The following NLGN1 variants were observed in gnomAD, a reference collection of about 807,000 sequenced individuals.
NLGN1 encodes neuroligin 1.
A neutral mutation model predicts 65.5 loss-of-function variants in NLGN1; 12 were observed. The observed-to-expected ratio is 0.18, with a 90% CI of 0.12 to 0.30. The LOEUF (loss-of-function observed/expected upper bound fraction) is 0.30. NLGN1 is among the 10% of genes least tolerant of loss of function. The pLI is 1.00. For missense variants in NLGN1, 750 were observed against 1,007.1 expected (o/e 0.74, Z 3.46); for synonymous variants, 350 against 359.5 (o/e 0.97, Z 0.30).
At chr3:173,590,281 A>G (rs1748247226) in intron 2 of NLGN1, among the ~76,000 whole-genome samples, 1 of 152,148 alleles carries the variant, frequency 6.6e-6, no homozygotes, top group Non-Finnish European at 1.5e-5. Flanking sequence ...CACATAAGTG[A>G]CAGTGTTATC....
intron 4 of NLGN1, among the ~76,000 whole-genome samples, chr3:174,027,612 A>G (rs1436182772): frequency 2.6e-5 from 4 of 152,176 alleles, no homozygotes; most frequent in African/African-American, 9.6e-5. Flanking sequence ...GCAACAAGAT[A>G]TATAGTCACA....
chr3:174,122,523 A>T (rs1396057697), intron 4 of NLGN1, among the ~76,000 whole-genome samples: 1 of 152,044 alleles, frequency 6.6e-6, no homozygotes. Flanking sequence ...GGGGGAGATT[A>T]TTTTTTTCCA....
chr3:174,147,419 C>CTTTTTTTTTTTTT (rs574298501), intron 4 of NLGN1, among the ~76,000 whole-genome samples: 5 of 36,260 alleles, frequency 1.4e-4, no homozygotes, highest in African/African-American at 3.6e-4. Context: ...TGGCTCATGG[C>CTTTTTTTTTTTTT]TTTTTTTTTT....
Position 174,063,382 on chromosome 3 carries a change from A to G in NLGN1, c.647-211933A>G, listed in dbSNP as rs78936700. 3.9e-3 allele frequency among the ~76,000 whole-genome samples: 597 copies of G among 152,310 alleles called. 5 individuals carry two copies. The highest frequency in any genetic ancestry group is 0.013 in the African/African-American group (558 of 41,584). ...AGTTCTTGATGCTATGGGAAATGACATCCGTAGAAACTCTGATCTGCAGAG... is the reference window on the plus strand; with the variant it reads ...AGTTCTTGATGCTATGGGAAATGACGTCCGTAGAAACTCTGATCTGCAGAG... On this transcript the variant is annotated intron_variant, in intron 4 of 6. Coordinates refer to ENST00000457714, the Ensembl canonical transcript of NLGN1.
chr3:174,230,847 A>G (rs2152816933), intron 4 of NLGN1, among the ~76,000 whole-genome samples: 1 of 152,366 alleles, frequency 6.6e-6, no homozygotes, highest in East Asian at 1.9e-4. Context: ...TTATCCTCTC[A>G]TTACATACTA....
intron 3 of NLGN1, among the ~76,000 whole-genome samples, chr3:173,807,023 A>G (rs1716812027): frequency 6.6e-6 from 1 of 152,174 alleles, no homozygotes; most frequent in African/African-American, 2.4e-5. Context: ...GATGTCCTGA[A>G]TTTCCTAAAA....
At chr3:173,450,458 T>A (rs544917325) in intron 2 of NLGN1, among the ~76,000 whole-genome samples, 158 of 152,302 alleles carry the variant, frequency 1.0e-3, no homozygotes, top group Middle Eastern at 3.4e-3. Flanking sequence ...CTTCCCTTTG[T>A]GGGTAACCCG....
chr3:173,763,201 A>T (rs961196155), intron 3 of NLGN1, among the ~76,000 whole-genome samples: 1 of 152,206 alleles, frequency 6.6e-6, no homozygotes, highest in Middle Eastern at 3.4e-3. Flanking sequence ...AAGGACAGAG[A>T]TGATTAACTG....
chr3:174,027,477 TCTTTGGTG>T (rs1157710217), intron 4 of NLGN1, among the ~76,000 whole-genome samples: 2 of 152,146 alleles, frequency 1.3e-5, no homozygotes. Context: ...GTCCACAATC[TCTTTGGTG>T]CCAGATGTAT....
At chr3:173,576,266 A>G (rs971143505) in intron 2 of NLGN1, among the ~76,000 whole-genome samples, 2 of 152,176 alleles carry the variant, frequency 1.3e-5, no homozygotes, top group African/African-American at 4.8e-5. Context: ...TTCTATGGGC[A>G]GCACTGATTA....
At chr3:174,261,727 A>G (rs889234930) in intron 4 of NLGN1, among the ~76,000 whole-genome samples, 1 of 142,460 alleles carries the variant, frequency 7.0e-6, no homozygotes, top group Non-Finnish European at 1.5e-5. Flanking sequence ...ACTATTGAAT[A>G]GGAGTGGTGA....
intron 2 of NLGN1, among the ~76,000 whole-genome samples, chr3:173,602,253 C>A (rs985185357): frequency 3.9e-5 from 6 of 151,966 alleles, no homozygotes; most frequent in Non-Finnish European, 8.8e-5. Flanking sequence ...AAATTGTCAA[C>A]AAATTTGAGA....
At chr3:173,981,282 A>T (rs983625227) in intron 4 of NLGN1, among the ~76,000 whole-genome samples, 4 of 152,186 alleles carry the variant, frequency 2.6e-5, no homozygotes, top group Non-Finnish European at 4.4e-5. Context: ...AACCCAGGAT[A>T]ACTGATTTTA....
intron 4 of NLGN1, among the ~76,000 whole-genome samples, chr3:173,923,924 A>AT (rs2152270085): frequency 6.6e-6 from 1 of 152,202 alleles, no homozygotes; most frequent in East Asian, 1.9e-4. Context: ...ATTGAATGGC[A>AT]TTTTTTAGAA....
At chr3:173,598,055 A>G (rs1351857399) in intron 2 of NLGN1, among the ~76,000 whole-genome samples, 2 of 152,146 alleles carry the variant, frequency 1.3e-5, no homozygotes, top group Non-Finnish European at 2.9e-5. Context: ...TTCTTTATTT[A>G]TTATTGTATT....
intron 4 of NLGN1, among the ~76,000 whole-genome samples, chr3:173,877,729 TA>T (rs1049325049): frequency 1.3e-5 from 2 of 152,188 alleles, no homozygotes; most frequent in African/African-American, 2.4e-5. Context: ...GCTCTTATAA[TA>T]AAATGTACAT....
At chr3:173,630,202 A>C (rs1398492392) in intron 3 of NLGN1, among the ~76,000 whole-genome samples, 1 of 152,180 alleles carries the variant, frequency 6.6e-6, no homozygotes, top group East Asian at 1.9e-4. Context: ...TAAGTGTTTG[A>C]CATTCTTTCC....
rs71162356 is a variant in NLGN1 at position 173,734,381 on chromosome 3, A to ATTTTTTT, written c.494-73273_494-73267dup. ...ATAATTAGATTCTGTGGATAATTCT[A>ATTTTTTT]TTTTTTTTTTTTTTTTTTTTTTTTT... On this transcript the variant is annotated intron_variant, in intron 3 of 6. Coordinates refer to ENST00000457714, the Ensembl canonical transcript of NLGN1. Among the ~76,000 whole-genome samples the ATTTTTTT allele has an allele frequency of 8.5e-4, 34 of 40,078 alleles. 2 individuals are homozygous for ATTTTTTT. The highest frequency in any genetic ancestry group is 1.9e-3 in the African/African-American group (17 of 9,132). The allele number at this position is 40,078 out of a possible 152,430, so 26.3% of individuals were successfully genotyped here. A position where few individuals can be genotyped will look rare whatever the true frequency, so the allele number is the denominator to read the frequency against.
chr3:173,975,627 A>G (rs540709693), intron 4 of NLGN1, among the ~76,000 whole-genome samples: 1 of 152,114 alleles, frequency 6.6e-6, no homozygotes, highest in South Asian at 2.1e-4. Flanking sequence ...ATTACCCAAG[A>G]TTGCATGGCA....
Sources: gnomAD v4.1 joint callset for allele counts (sites outside exome capture counted in the v4.1 genomes callset) on GRCh38, gnomAD v4.1.1 for gene constraint, MANE v1.5 for transcripts, NCBI Gene and HGNC (gene_info 2026-07-23, HGNC 2026-07-21) for gene names.